Variants in RYR1 observed in about 807,000 individuals in gnomAD.
RYR1 encodes central core disease of muscle.
Under a neutral mutation model 583.5 loss-of-function variants are expected in RYR1, and 342 were observed. The observed-to-expected ratio is 0.59, with a 90% confidence interval of 0.54 to 0.64. The LOEUF (loss-of-function observed/expected upper bound fraction) is 0.64, where lower values mean the gene tolerates loss of function less well. Among genes scored for constraint, RYR1 ranks in the 30% least tolerant of loss-of-function variants. The pLI is 0.00. For synonymous variants in RYR1, 2,791 were observed against 2,822.5 expected, an observed-to-expected ratio of 0.99 and a Z score of 0.35; for missense variants, 6,032 against 6,917.2, an observed-to-expected ratio of 0.87 and a Z score of 4.54.
At chr19:38,556,923 C>T (rs1200249922) in intron 89 of RYR1, among the ~76,000 whole-genome samples, 2 of 152,168 alleles carry the variant, frequency 1.3e-5, no homozygotes, top group Admixed American at 6.5e-5. Context: ...TAGCCAGAAC[C>T]TTCCTATGTG....
In RYR1 at chr19:38,529,038, A is replaced by G; in HGVS notation, c.11122A>G (p.Thr3708Ala). 1.2e-6 allele frequency: 2 copies of G among 1,613,866 alleles called. No homozygotes were observed. The highest frequency in any genetic ancestry group is 1.7e-6 in the Non-Finnish European group (2 of 1,180,006). The change falls in exon 76 of 106, where the codon ACT becomes GCT. Residue 3708 changes from threonine to alanine, a missense_variant. Thr to Ala is a moderately conservative substitution (Grantham distance 58). This residue lies in a region of RYR1 where 1,493 missense variants were observed against 1,715.5 expected (regional missense o/e 0.87). Coordinates refer to ENST00000359596, the MANE Select transcript of RYR1 (RefSeq NM_000540.3). Reference protein sequence around the residue: ...LHQLVLHFSRTALTEKSKLDE... With the variant: ...LHQLVLHFSRAALTEKSKLDE... ...CCAGTTGGTCCTGCACTTCAGCCGCACTGCCCTGACGGAAAAGAGGTGAAG... is the reference window on the plus strand; with the variant it reads ...CCAGTTGGTCCTGCACTTCAGCCGCGCTGCCCTGACGGAAAAGAGGTGAAG...
At chr19:38,526,544 A>G (rs977765514) in intron 71 of RYR1, among the ~76,000 whole-genome samples, 5 of 151,700 alleles carry the variant, frequency 3.3e-5, no homozygotes, top group Non-Finnish European at 7.4e-5. Context: ...TCCCCGTCCT[A>G]GAACCCCAGT....
At position 38,587,370 on chromosome 19, in the gene RYR1, T is replaced by C. The variant is rs753078398; in HGVS notation, c.15067T>C (p.Phe5023Leu). ...GTACCAAGAGAGATGTTGGGATTTC[T>C]TCCCAGCTGGTGATTGTTTCCGTAA... ...KMYQERCWDF[F>L]PAGDCFRKQY... The change falls in exon 106 of 106, where the codon TTC (phenylalanine) becomes CTC (leucine). Residue 5023 changes from phenylalanine (F) to leucine (L), a missense_variant. Physicochemically the swap from Phe to Leu is conservative, Grantham distance 22 (BLOSUM62 0). This residue lies in a region of RYR1 where 189 missense variants were observed against 350.3 expected (regional missense o/e 0.54). Transcript: ENST00000359596. 1.3e-5 allele frequency: 21 copies of C among 1,614,110 alleles called. 1 individual carries two copies. The Middle Eastern group carries it at 2.0e-3, about 152-fold the overall frequency.
Position 38,469,297 on chromosome 19 carries a change from C to G in RYR1, c.3557-8C>G. On this transcript the variant is annotated splice_region_variant and splice_polypyrimidine_tract_variant and intron_variant, in intron 26 of 105. Transcript: ENST00000359596. ...CCTCACCCCTGCCCATCCATCCCCT[C>G]CCACCAGGCTTCCTGCCCGTCTGCA... is the stretch of plus-strand genomic sequence containing the variant. The G allele has an allele frequency of 6.2e-7, 1 of 1,613,726 alleles. No individual in the cohort carries two copies. The highest frequency in any genetic ancestry group is 8.5e-7 in the Non-Finnish European group (1 of 1,179,988).
chr19:38,516,309 G>A, intron 65 of RYR1, 92 bp downstream of exon 65: 1 of 1,465,418 alleles, frequency 6.8e-7, no homozygotes, highest in Non-Finnish European at 9.3e-7. Context: ...AGTGTGGCTG[G>A]GCTGGGCTGT....
intron 72 of RYR1, 169 bp from the exon 73 acceptor site, chr19:38,527,478 C>T: frequency 1.2e-6 from 1 of 859,156 alleles, no homozygotes; most frequent in Non-Finnish European, 1.8e-6. Flanking sequence ...CCACTGCACT[C>T]CAGCCTGGGT....
At chr19:38,540,399 A>G (rs2960314) in intron 84 of RYR1, among the ~76,000 whole-genome samples, 9 of 130,912 alleles carry the variant, frequency 6.9e-5, no homozygotes, top group African/African-American at 1.5e-4. Context: ...ATACTACAGT[A>G]TAATAAACCT....
intron 28 of RYR1, 59 bp downstream of exon 28, chr19:38,473,830 C>A (rs1356221875): frequency 3.1e-6 from 4 of 1,305,580 alleles, no homozygotes; most frequent in Non-Finnish European, 3.1e-6. Flanking sequence ...CCCAAGTAGG[C>A]AACCACAGTA....
chr19:38,516,206 G>A lies in RYR1; in HGVS notation c.9674G>A (p.Arg3225Gln), dbSNP rs535449761. 2.3e-5 allele frequency: 36 copies of A among 1,585,340 alleles called. No homozygotes were observed. Among genetic ancestry groups the A allele is most frequent in the East Asian group, 6.9e-5 (3 of 43,452 alleles). The change falls in exon 65 of 106, where the codon CGG becomes CAG. Residue 3225 changes from arginine (R) to glutamine (Q), a missense_variant. Transcript: ENST00000359596. ...ACSVYTTKSP[R>Q]ERAILGLPNS... ...TCCGTGTACACCACCAAGTCTCCGC[G>A]GGAGCGGGCCAGTAAGCTGTGTGGG...
In RYR1 at chr19:38,455,614, A is replaced by G. The variant is rs758996844; in HGVS notation, c.1673-19A>G. ...GATGGGCATGGCCGCTTCACCTCTC[A>G]TTCTGGGCACCCTGGCAGGCATCCT... On this transcript the variant is annotated intron_variant, in intron 15 of 105. Transcript: ENST00000359596. 2.7e-5 allele frequency: 43 copies of G among 1,611,394 alleles called. No homozygotes were observed. The South Asian group carries it at 4.7e-4, about 18-fold the overall frequency.
At position 38,496,041 on chromosome 19, in the gene RYR1, G is replaced by A. The variant is rs1011372318; in HGVS notation, c.6549-174G>A. On this transcript the variant is annotated intron_variant, in intron 39 of 105. Coordinates refer to ENST00000359596, the MANE Select transcript of RYR1 (RefSeq NM_000540.3). The surrounding 1 kb of genome is among the most constrained non-coding windows in gnomAD (Gnocchi z 4.8). ...GCCTCCCAAAGTGCTGGGATTACACGCATGAGCCACCGCACCCGGCCAGCT... is the reference window on the plus strand; with the variant it reads ...GCCTCCCAAAGTGCTGGGATTACACACATGAGCCACCGCACCCGGCCAGCT... Among the ~76,000 whole-genome samples the A allele has an allele frequency of 6.6e-6, 1 of 152,164 alleles. No individual in the cohort carries two copies. Among genetic ancestry groups the A allele is most frequent in the African/African-American group, 2.4e-5 (1 of 41,426 alleles).
intron 82 of RYR1, 133 bp from the exon 83 acceptor site, chr19:38,536,617 G>T (rs1226237413): frequency 3.9e-6 from 4 of 1,013,254 alleles, no homozygotes; most frequent in Non-Finnish European, 6.1e-6. Context: ...TCTCTCTGTG[G>T]GTTGTTCCTC....
intron 60 of RYR1, 134 bp downstream of exon 60, chr19:38,510,915 G>C: frequency 7.5e-7 from 1 of 1,336,608 alleles, no homozygotes; most frequent in East Asian, 2.5e-5. Context: ...AGGGTGACCA[G>C]CCATCCTAGT....
Position 38,496,761 on chromosome 19 carries a change from C to A in RYR1, c.6797-99C>A. The A allele has an allele frequency of 1.6e-6, 2 of 1,240,190 alleles. No individual in the cohort carries two copies. The highest frequency in any genetic ancestry group is 2.4e-6 in the Non-Finnish European group (2 of 845,030). 76.8% of individuals were successfully genotyped at this position (1,240,190 alleles called of 1,614,324 possible). On this transcript the variant is annotated intron_variant, in intron 41 of 105. Coordinates refer to ENST00000359596, the MANE Select transcript of RYR1 (RefSeq NM_000540.3). The surrounding 1 kb of genome is among the most constrained non-coding windows in gnomAD (Gnocchi z 4.8). The stretch of plus-strand genomic sequence containing the variant: ...TGAGGGAAGTACAGACCAGAGGAGG[C>A]ACCTGATCCAGGCTGGAAAAAGGGT...
chr19:38,507,287 A>G (rs1970508450), intron 57 of RYR1, among the ~76,000 whole-genome samples: 2 of 139,802 alleles, frequency 1.4e-5, no homozygotes, highest in African/African-American at 5.4e-5. Context: ...AAGAGGAGAG[A>G]AGGCTGAAAA....
At chr19:38,587,288 G>A (rs776719952) in intron 105 of RYR1, 37 bp from the exon 106 acceptor site, 2 of 1,366,564 alleles carry the variant, frequency 1.5e-6, no homozygotes, top group Non-Finnish European at 2.1e-6. Context: ...AGGGTTTGAA[G>A]ATGTGACCAA....
chr19:38,499,915 G>A lies in RYR1; in HGVS notation c.7222G>A (p.Glu2408Lys), dbSNP rs1416425913. ...CACCCACCTTCCCTGCAGCTTTGGT[G>A]AGGAACCGCCTGAAGAAAACCGGGT... is the stretch of plus-strand genomic sequence containing the variant. ...RRDRRREHFG[E>K]EPPEENRVHL... The change falls in exon 45 of 106, where the codon GAG (glutamate) becomes AAG (lysine). Residue 2408 changes from glutamate to lysine, a missense_variant. Coordinates refer to ENST00000359596, the MANE Select transcript of RYR1 (RefSeq NM_000540.3). The surrounding 1 kb of genome is among the most constrained non-coding windows in gnomAD (Gnocchi z 7.3). 1 of 1,613,986 alleles carries A rather than the reference G, an allele frequency of 6.2e-7. No individual in the cohort carries two copies. The highest frequency in any genetic ancestry group is 1.1e-5 in the South Asian group (1 of 91,076).
rs138263729 is a variant in RYR1 at position 38,517,474 on chromosome 19, G to T, written c.9801G>T (p.Pro3267=). The change falls in exon 66 of 106, where the codon CCG becomes CCT. Residue 3267 remains proline (P), a synonymous_variant. Transcript: ENST00000359596. ...AESGARYTEM[P]HVIEITLPML... Reference sequence around the variant, plus strand: ...CAGGTGCCCGCTACACAGAGATGCCGCATGTCATCGAGATCACGCTGCCCA... The same window carrying T: ...CAGGTGCCCGCTACACAGAGATGCCTCATGTCATCGAGATCACGCTGCCCA... 6.2e-6 allele frequency: 10 copies of T among 1,613,958 alleles called. No individual in the cohort carries two copies. Among genetic ancestry groups the T allele is most frequent in the African/African-American group, 1.3e-5 (1 of 74,880 alleles).
intron 70 of RYR1, among the ~76,000 whole-genome samples, chr19:38,524,748 G>T (rs899250448): frequency 6.6e-6 from 1 of 152,134 alleles, no homozygotes; most frequent in African/African-American, 2.4e-5. Context: ...TCTTTTTCTT[G>T]CAACTTCTCT....
Sources: gnomAD v4.1 joint callset for allele counts (sites outside exome capture counted in the v4.1 genomes callset) on GRCh38, gnomAD v4.1.1 for gene constraint, gnomAD v4.1.1 regional missense constraint, Gnocchi (gnomAD v3.1) non-coding constraint, MANE v1.5 for transcripts, NCBI Gene and HGNC (gene_info 2026-07-23, HGNC 2026-07-21) for gene names.